Variants in CCDC148 observed in about 807,000 individuals in gnomAD.
The protein encoded by CCDC148 is coiled-coil domain-containing protein 148.
CCDC148 carries 89 observed loss-of-function variants against 85.7 expected under a neutral mutation model. That is an observed-to-expected ratio of 1.04 (90% confidence interval 0.87 to 1.24). CCDC148 has a LOEUF of 1.24. Among genes scored for constraint, CCDC148 ranks in the 50% most tolerant of loss-of-function variants. The pLI, the probability that CCDC148 is intolerant of heterozygous loss-of-function variation, is 0.00. For synonymous variants in CCDC148, 230 were observed against 213.9 expected, an observed-to-expected ratio of 1.08 and a Z score of -0.66; for missense variants, 692 against 671.7, an observed-to-expected ratio of 1.03 and a Z score of -0.33.
chr2:158,196,337 G>A (rs1685666967), intron 11 of CCDC148, among the ~76,000 whole-genome samples: 1 of 152,042 alleles, frequency 6.6e-6, no homozygotes, highest in Non-Finnish European at 1.5e-5. Context: ...CCATCTCTGT[G>A]TTCAGTAATA....
chr2:158,245,764 A>G (rs975546891), intron 10 of CCDC148, among the ~76,000 whole-genome samples: 2 of 152,194 alleles, frequency 1.3e-5, no homozygotes, highest in Non-Finnish European at 2.9e-5. Context: ...CCATCTAGCA[A>G]GGAAATTTTG....
intron 1 of CCDC148, among the ~76,000 whole-genome samples, chr2:158,433,518 T>C (rs1427735702): frequency 1.3e-5 from 2 of 152,036 alleles, no homozygotes; most frequent in Non-Finnish European, 2.9e-5. Context: ...GGTTCCAAGA[T>C]GGCCGAATAG....
chr2:158,234,066 C>T (rs1337362123), intron 10 of CCDC148, among the ~76,000 whole-genome samples: 1 of 151,976 alleles, frequency 6.6e-6, no homozygotes, highest in Non-Finnish European at 1.5e-5. Context: ...ATCCCAGATA[C>T]TTGGGAGGCT....
At chr2:158,205,311 T>A (rs1686180941) in intron 11 of CCDC148, among the ~76,000 whole-genome samples, 2 of 152,098 alleles carry the variant, frequency 1.3e-5, no homozygotes, top group South Asian at 4.1e-4. Context: ...TACATCCTGT[T>A]GTCATTTACA....
intron 7 of CCDC148, among the ~76,000 whole-genome samples, chr2:158,335,762 T>C (rs1366133754): frequency 1.3e-5 from 2 of 152,050 alleles, no homozygotes; most frequent in Admixed American, 1.3e-4. Flanking sequence ...AGCCAAACCA[T>C]ATCAGCATGT....
At chr2:158,178,147 G>C (rs1317170895) in intron 12 of CCDC148, 1 of 152,084 alleles carries the variant, frequency 6.6e-6, no homozygotes. Context: ...AGGTTGGAAG[G>C]ACACCAGAGG....
At chr2:158,298,164 G>C (rs1290504076) in intron 9 of CCDC148, among the ~76,000 whole-genome samples, 1 of 152,114 alleles carries the variant, frequency 6.6e-6, no homozygotes, top group Non-Finnish European at 1.5e-5. Context: ...AGGAGAACAG[G>C]ATGGGGGAAA....
chr2:158,399,139 C>T (rs569131239), intron 1 of CCDC148, among the ~76,000 whole-genome samples: 108 of 152,054 alleles, frequency 7.1e-4, no homozygotes, highest in African/African-American at 2.5e-3. Context: ...AGTTAATAGC[C>T]TACCAACCAA....
intron 10 of CCDC148, among the ~76,000 whole-genome samples, chr2:158,226,110 T>C (rs1292618638): frequency 1.3e-5 from 2 of 152,098 alleles, no homozygotes; most frequent in Non-Finnish European, 2.9e-5. Context: ...CAATAAAAAA[T>C]GATAAAGGGG....
intron 1 of CCDC148, among the ~76,000 whole-genome samples, chr2:158,443,496 T>A (rs1378318142): frequency 1.9e-4 from 1 of 5,130 alleles, no homozygotes; most frequent in Non-Finnish European, 1.6e-3. Context: ...AGAGCAAGTC[T>A]ATCTCAAAAA....
At chr2:158,415,952 G>T (rs1395040128) in intron 1 of CCDC148, among the ~76,000 whole-genome samples, 2 of 152,188 alleles carry the variant, frequency 1.3e-5, no homozygotes, top group Admixed American at 6.5e-5. Context: ...TGAGGGCTCT[G>T]CCCATTCAGC....
chr2:158,384,725 G>A (rs1031723906), intron 1 of CCDC148, among the ~76,000 whole-genome samples: 2 of 152,098 alleles, frequency 1.3e-5, no homozygotes, highest in Non-Finnish European at 2.9e-5. Context: ...GTTACAATCT[G>A]TTACTATATT....
rs1156895121 is a variant in CCDC148, at chr2:158,338,904, G to A, written c.586C>T (p.Leu196=). 2.5e-6 allele frequency: 4 copies of A among 1,600,102 alleles called. No individual in the cohort carries two copies. The highest frequency in any genetic ancestry group is 1.1e-5 in the South Asian group (1 of 87,848). ...NDLSDWSIKI[L]DHSLEEKTNP... Reference sequence around the variant, plus strand: ...GTCTTTTCTTCCAAAGAATGATCTAGAATCTGAAAAAAAGTATATGATTAT... The same window carrying A: ...GTCTTTTCTTCCAAAGAATGATCTAAAATCTGAAAAAAAGTATATGATTAT... Residue 196 remains leucine (L), a synonymous_variant, in exon 7 of 14, where the codon CTA becomes TTA. Transcript: ENST00000283233.
At chr2:158,374,092 C>T (rs1370380152) in intron 1 of CCDC148, among the ~76,000 whole-genome samples, 1 of 152,052 alleles carries the variant, frequency 6.6e-6, no homozygotes, top group Non-Finnish European at 1.5e-5. Flanking sequence ...CTAGGGTCAC[C>T]TGTATGAGAT....
intron 1 of CCDC148, among the ~76,000 whole-genome samples, chr2:158,410,240 T>G (rs1336001430): frequency 6.6e-6 from 1 of 152,206 alleles, no homozygotes; most frequent in East Asian, 1.9e-4. Flanking sequence ...AACCAATGTG[T>G]GTGCTTAAGA....
rs1418884947 is a variant in CCDC148 at position 158,196,384 on chromosome 2, T to C, written c.1371-17388A>G. On this transcript the variant is annotated intron_variant, in intron 11 of 13. Coordinates refer to ENST00000283233, the MANE Select transcript of CCDC148 (RefSeq NM_138803.4). Reference sequence around the variant, plus strand: ...ATTTGAAATAGGCTATGGTGGGATATTTACACCACAGAAATCAGCACGTGC... The same window carrying C: ...ATTTGAAATAGGCTATGGTGGGATACTTACACCACAGAAATCAGCACGTGC... Among the ~76,000 whole-genome samples the C allele has an allele frequency of 2.0e-5, 3 of 152,242 alleles. No homozygotes were observed. In the East Asian group the frequency reaches 5.8e-4, roughly 29 times the overall value.
chr2:158,208,413 C>T (rs1686369926), intron 11 of CCDC148, among the ~76,000 whole-genome samples: 1 of 152,136 alleles, frequency 6.6e-6, no homozygotes, highest in Non-Finnish European at 1.5e-5. Context: ...AGGCCTGATG[C>T]TTGCTTTCCC....
chr2:158,425,416 T>C (rs1250063177), intron 1 of CCDC148: 1 of 359,518 alleles, frequency 2.8e-6, no homozygotes, highest in Non-Finnish European at 5.4e-6. Context: ...TAAAAGACTT[T>C]CTAGTGTACA....
At chr2:158,221,089 A>T (rs567985802) in intron 10 of CCDC148, among the ~76,000 whole-genome samples, 1 of 152,352 alleles carries the variant, frequency 6.6e-6, no homozygotes, top group South Asian at 2.1e-4. Context: ...ATGGTAATGC[A>T]GTCTTTAACA....
Sources: allele counts gnomAD v4.1 joint callset (sites outside exome capture counted in the v4.1 genomes callset), GRCh38; gene constraint gnomAD v4.1.1; transcripts MANE v1.5; gene names NCBI Gene and HGNC (gene_info 2026-07-23, HGNC 2026-07-21).